CCDC81: variants seen among roughly 807,000 people sequenced by gnomAD.
CCDC81 encodes coiled-coil domain-containing protein 81.
In CCDC81, 79 loss-of-function variants were observed where a neutral mutation model predicts 83.7. The observed-to-expected ratio is 0.94, with a 90% CI of 0.79 to 1.14. The LOEUF is 1.14. CCDC81 is among the 50% of genes most tolerant of loss of function. The probability of loss-of-function intolerance (pLI) is 0.00; values close to 1 mark genes in which losing one functional copy is unlikely to be tolerated. For missense variants in CCDC81, 791 were observed against 778.1 expected (o/e 1.02, Z -0.20); for synonymous variants, 252 against 278.1 (o/e 0.91, Z 0.93).
At chr11:86,381,234 C>T (rs907297447) in intron 1 of CCDC81, among the ~76,000 whole-genome samples, 2 of 152,194 alleles carry the variant, frequency 1.3e-5, no homozygotes, top group African/African-American at 4.8e-5. Flanking sequence ...TTCCTTCTCT[C>T]AGGTCAGTTA....
At chr11:86,394,492 C>G (rs1361344433) in intron 4 of CCDC81, among the ~76,000 whole-genome samples, 1 of 152,182 alleles carries the variant, frequency 6.6e-6, no homozygotes, top group Non-Finnish European at 1.5e-5. Context: ...AATCCAATAT[C>G]TCATTAGCTC....
intron 4 of CCDC81, among the ~76,000 whole-genome samples, chr11:86,394,661 T>C (rs1948378908): frequency 6.6e-6 from 1 of 152,236 alleles, no homozygotes; most frequent in South Asian, 2.1e-4. Flanking sequence ...TCTATACTTC[T>C]TTTTGGGAAT....
rs377389829 is a variant in CCDC81, at chr11:86,398,965, C to T, written c.757+1223C>T. 1.4e-3 allele frequency among the ~76,000 whole-genome samples: 206 copies of T among 152,236 alleles called. 3 individuals are homozygous for T. The South Asian group carries it at 0.04, about 29-fold the overall frequency. On this transcript the variant is annotated intron_variant, in intron 6 of 14. Transcript: ENST00000445632. ...GTTCCTCTAGCAGATTGTTGCTTTG[C>T]GGAAATGTGGCCCAAGTGATATCAG... is the stretch of plus-strand genomic sequence containing the variant.
At chr11:86,395,649 C>G (rs2138514462) in intron 5 of CCDC81, among the ~76,000 whole-genome samples, 1 of 152,304 alleles carries the variant, frequency 6.6e-6, no homozygotes, top group South Asian at 2.1e-4. Flanking sequence ...GCGACGGAGT[C>G]TTGCTCTGTC....
rs1948699197 is a variant in CCDC81, at chr11:86,415,133, A to T, written c.1511A>T (p.Asp504Val). 4 of 1,613,960 alleles carry T rather than the reference A, an allele frequency of 2.5e-6. No individual in the cohort carries two copies. The East Asian group carries it at 8.9e-5, about 36-fold the overall frequency. The change falls in exon 13 of 15, where the codon GAC becomes GTC. Residue 504 changes from aspartate (D) to valine (V), a missense_variant. By Grantham distance (152) the Asp-to-Val change is radical. Coordinates refer to ENST00000445632, the MANE Select transcript of CCDC81 (RefSeq NM_001156474.2). ...TCTCGGCTGCCCCCCTTTGAGCCAG[A>T]CTCCTCTGAGCCCATCTTTGGTAAG... ...KPSRLPPFEPDSSEPIFGKNE... is the reference protein window; with the variant it reads ...KPSRLPPFEPVSSEPIFGKNE...
intron 5 of CCDC81, among the ~76,000 whole-genome samples, chr11:86,396,290 T>G (rs1408295934): frequency 6.6e-6 from 1 of 152,230 alleles, no homozygotes; most frequent in Non-Finnish European, 1.5e-5. Context: ...AATTTTTTTC[T>G]TTTACATGAA....
intron 13 of CCDC81, among the ~76,000 whole-genome samples, chr11:86,416,856 G>T (rs377455654): frequency 5.9e-5 from 9 of 152,112 alleles, no homozygotes; most frequent in East Asian, 1.9e-4. Context: ...TTTAGTCAGG[G>T]TGATCCAGAC....
At position 86,397,636 on chromosome 11, in the gene CCDC81, G is replaced by C. The variant is rs773471961; in HGVS notation, c.651G>C (p.Glu217Asp). The change falls in exon 6 of 15, where the codon GAG (glutamate) becomes GAC (aspartate). Residue 217 changes from glutamate (E) to aspartate (D), a missense_variant. Physicochemically the swap from Glu to Asp is conservative, Grantham distance 45. Transcript: ENST00000445632. ...TCATTCCTAGGATTGAGCTCAAGGA[G>C]ATGGAAAACAAACTGCCTATGGAGA... ...VLAFPRIELK[E>D]MENKLPMETL... The C allele has an allele frequency of 6.2e-7, 1 of 1,612,648 alleles. No individual in the cohort carries two copies. The highest frequency in any genetic ancestry group is 2.2e-5 in the East Asian group (1 of 44,796).
chr11:86,383,309 C>G (rs1472427224), intron 1 of CCDC81, among the ~76,000 whole-genome samples: 1 of 152,120 alleles, frequency 6.6e-6, no homozygotes, highest in Non-Finnish European at 1.5e-5. Flanking sequence ...CTATACTATT[C>G]CATATATCAG....
chr11:86,377,968 C>CTGTTTTTTTTTT, intron 1 of CCDC81, among the ~76,000 whole-genome samples: 1 of 73,350 alleles, frequency 1.4e-5, no homozygotes, highest in Non-Finnish European at 2.4e-5. Flanking sequence ...TGCCTAGGTT[C>CTGTTTTTTTTTT]TTTTTTTTTT....
intron 1 of CCDC81, among the ~76,000 whole-genome samples, chr11:86,377,680 C>T (rs1431967984): frequency 6.6e-6 from 1 of 152,024 alleles, no homozygotes; most frequent in African/African-American, 2.4e-5. Flanking sequence ...TTTTGCATGA[C>T]AGTGTCTTTT....
At chr11:86,378,471 T>C (rs1297371497) in intron 1 of CCDC81, among the ~76,000 whole-genome samples, 1 of 152,214 alleles carries the variant, frequency 6.6e-6, no homozygotes, top group Non-Finnish European at 1.5e-5. Context: ...AGTCTGTAGA[T>C]ATCAACTATA....
Position 86,378,584 on chromosome 11 carries a change from A to G in CCDC81, c.79+3342A>G, listed in dbSNP as rs558532065. On this transcript the variant is annotated intron_variant, in intron 1 of 14. Transcript: ENST00000445632. ...TAGGTGAGTACTGAAGTCTTCAAGTATGATAATGGATTCATTTATCTCTTC... is the reference window on the plus strand; with the variant it reads ...TAGGTGAGTACTGAAGTCTTCAAGTGTGATAATGGATTCATTTATCTCTTC... Among the ~76,000 whole-genome samples the G allele has an allele frequency of 3.7e-4, 56 of 152,334 alleles. 1 individual carries two copies. Among genetic ancestry groups the G allele is most frequent in the African/African-American group, 1.3e-3 (55 of 41,574 alleles).
chr11:86,390,015 G>A (rs572991682), intron 3 of CCDC81, among the ~76,000 whole-genome samples: 2 of 152,194 alleles, frequency 1.3e-5, no homozygotes, highest in African/African-American at 4.8e-5. Flanking sequence ...TAAGGCAGGA[G>A]ACTTGCTTGA....
chr11:86,396,395 C>G (rs960082349), intron 5 of CCDC81, among the ~76,000 whole-genome samples: 19 of 152,086 alleles, frequency 1.2e-4, no homozygotes, highest in African/African-American at 4.3e-4. Context: ...CATTGTGTGC[C>G]CTTAATTATG....
rs768496357 is a variant in CCDC81, at chr11:86,392,634, T to C, written c.392T>C (p.Leu131Ser). 3.0e-5 allele frequency: 47 copies of C among 1,551,556 alleles called. No homozygotes were observed. Among genetic ancestry groups the C allele is most frequent in the Non-Finnish European group, 4.4e-6 (5 of 1,146,984 alleles). Residue 131 changes from leucine to serine, a missense_variant, in exon 4 of 15, where the codon TTG becomes TCG. Physicochemically the swap from Leu to Ser is moderately radical, Grantham distance 145 (BLOSUM62 -2). Coordinates refer to ENST00000445632, the MANE Select transcript of CCDC81 (RefSeq NM_001156474.2). ...GTGGAAGGATGTGTGAAGGAGACGT[T>C]GCTTTTTTTATCGCGTTCCATTTCC... is the stretch of plus-strand genomic sequence containing the variant. ...DVVEGCVKET[L>S]LFLSRSISMK...
intron 5 of CCDC81, among the ~76,000 whole-genome samples, chr11:86,396,710 A>G (rs1948413623): frequency 6.6e-6 from 1 of 152,214 alleles, no homozygotes; most frequent in Non-Finnish European, 1.5e-5. Context: ...ACTAATAAGC[A>G]GCCAAGCTTA....
chr11:86,392,597 A>G lies in CCDC81; in HGVS notation c.355A>G (p.Asn119Asp). 6.4e-7 allele frequency: 1 copy of G among 1,551,680 alleles called. No individual in the cohort carries two copies. Among genetic ancestry groups the G allele is most frequent in the Non-Finnish European group, 8.7e-7 (1 of 1,146,970 alleles). Residue 119 changes from asparagine to aspartate, a missense_variant, in exon 4 of 15, where the codon AAC (asparagine) becomes GAC (aspartate). Asn to Asp is a conservative substitution (Grantham distance 23, BLOSUM62 1). Coordinates refer to ENST00000445632, the MANE Select transcript of CCDC81 (RefSeq NM_001156474.2). The stretch of plus-strand genomic sequence containing the variant: ...CATGATATCCCTGGAGGGTCCATTT[A>G]ACAGAGATGTAGTGGAAGGATGTGT... ...FVMISLEGPFNRDVVEGCVKE... is the reference protein window; with the variant it reads ...FVMISLEGPFDRDVVEGCVKE...
chr11:86,380,042 CT>C (rs34548401), intron 1 of CCDC81, among the ~76,000 whole-genome samples: 71,075 of 144,540 alleles, frequency 0.49, 19,350 homozygotes, highest in African/African-American at 0.73. Context: ...ATGGTCTTCC[CT>C]TTTTTTTTTT....
Sources: gnomAD v4.1 joint callset for allele counts (sites outside exome capture counted in the v4.1 genomes callset) on GRCh38, gnomAD v4.1.1 for gene constraint, MANE v1.5 for transcripts, NCBI Gene and HGNC (gene_info 2026-07-23, HGNC 2026-07-21) for gene names.